The following MED4 variants were observed in gnomAD, a reference collection of about 807,000 sequenced individuals.
MED4 encodes the protein mediator complex subunit 4.
A neutral mutation model predicts 35.0 loss-of-function variants in MED4; 21 were observed. That is an observed-to-expected ratio of 0.60 (90% CI 0.43 to 0.86). MED4 has a LOEUF of 0.86. Among genes scored for constraint, MED4 ranks in the 40% least tolerant of loss-of-function variants. MED4 has a pLI of 0.00. For missense variants in MED4, 300 were observed against 319.4 expected, an observed-to-expected ratio of 0.94 and a Z score of 0.46; for synonymous variants, 138 against 114.0, an observed-to-expected ratio of 1.21 and a Z score of -1.34.
rs1485970368 is a variant in MED4 at position 48,077,309 on chromosome 13, C to A, written c.643G>T (p.Val215Phe). Residue 215 changes from valine (V) to phenylalanine (F), a missense_variant and splice_region_variant, in exon 7 of 7, where the codon GTC becomes TTC. By Grantham distance (50) the Val-to-Phe change is conservative (BLOSUM62 -1). Transcript: ENST00000258648. ...DALAAGRLPD[V>F]LAPQYPWQSN... ...TGCCATGGATACTGTGGAGCAAGGA[C>A]ATCTGGAGAAAAAAAGAAGCATAGA... is the stretch of plus-strand genomic sequence containing the variant. 6.8e-7 allele frequency: 1 copy of A among 1,466,636 alleles called. No individual in the cohort carries two copies. The highest frequency in any genetic ancestry group is 2.6e-5 in the Admixed American group (1 of 38,134). The allele number at this position is 1,466,636 out of a possible 1,614,324, so 90.9% of individuals were successfully genotyped here.
At chr13:48,080,048 T>G in intron 5 of MED4, 73 bp from the exon 6 acceptor site, 4 of 1,504,152 alleles carry the variant, frequency 2.7e-6, no homozygotes, top group Non-Finnish European at 3.6e-6. Context: ...TTTGACATAC[T>G]CATTTTCGCT....
intron 1 of MED4, 48 bp downstream of exon 1, chr13:48,094,906 C>G (rs1333699349): frequency 1.3e-6 from 2 of 1,589,460 alleles, no homozygotes; most frequent in South Asian, 2.2e-5. Context: ...GCTCCGGGGT[C>G]AGTCCCCCGG....
intron 2 of MED4, 29 bp from the exon 3 acceptor site, chr13:48,086,481 C>A (rs1276389627): frequency 6.3e-7 from 1 of 1,595,272 alleles, no homozygotes; most frequent in South Asian, 1.1e-5. Context: ...TTAAATCAGA[C>A]AATAGACTAC....
chr13:48,086,244 T>C (rs41287449), intron 3 of MED4, 38 bp downstream of exon 3: 184,473 of 1,581,850 alleles, frequency 0.12, 11,750 homozygotes, highest in South Asian at 0.18. Flanking sequence ...TTAAACAACA[T>C]CCTTTTTAAC....
intron 3 of MED4, 87 bp from the exon 4 acceptor site, chr13:48,083,515 C>A: frequency 1.0e-6 from 1 of 976,640 alleles, no homozygotes; most frequent in Non-Finnish European, 1.5e-6. Flanking sequence ...ATCCTTTAGC[C>A]TACAAGAACA....
intron 3 of MED4, among the ~76,000 whole-genome samples, chr13:48,085,862 A>C (rs1337380620): frequency 1.3e-5 from 2 of 152,128 alleles, no homozygotes; most frequent in Non-Finnish European, 2.9e-5. Context: ...TAATCAATTT[A>C]TAAAATGTGT....
At chr13:48,091,312 T>C (rs1950888349) in intron 1 of MED4, among the ~76,000 whole-genome samples, 1 of 152,116 alleles carries the variant, frequency 6.6e-6, no homozygotes, top group African/African-American at 2.4e-5. Flanking sequence ...TTGGGAAAAA[T>C]GTATAGCAGG....
At chr13:48,094,787 A>C (rs1950915998) in intron 1 of MED4, among the ~76,000 whole-genome samples, 167 bp downstream of exon 1, 1 of 152,066 alleles carries the variant, frequency 6.6e-6, no homozygotes, top group Admixed American at 6.6e-5. Context: ...CGCCGCCCAG[A>C]GTGCCAGAGG....
intron 5 of MED4, among the ~76,000 whole-genome samples, chr13:48,080,817 T>G (rs1950803021): frequency 6.6e-6 from 1 of 152,166 alleles, no homozygotes; most frequent in South Asian, 2.1e-4. Flanking sequence ...AGATAAAACC[T>G]TTTTCTAACC....
At chr13:48,082,693 G>A (rs899856345) in intron 4 of MED4, among the ~76,000 whole-genome samples, 2 of 152,182 alleles carry the variant, frequency 1.3e-5, no homozygotes, top group Non-Finnish European at 2.9e-5. Flanking sequence ...CGGGTGTGGT[G>A]GCGGGCGCCT....
chr13:48,077,287 C>A lies in MED4; in HGVS notation c.665G>T (p.Trp222Leu). 1 of 1,544,532 alleles carries A rather than the reference C, an allele frequency of 6.5e-7. No homozygotes were observed. The highest frequency in any genetic ancestry group is 1.3e-5 in the South Asian group (1 of 79,780). ...LPDVLAPQYP[W>L]QSNDMSMNML... is the part of the protein sequence containing the mutation. The stretch of plus-strand genomic sequence containing the variant: ...ATTCATCGACATGTCATTTGACTGC[C>A]ATGGATACTGTGGAGCAAGGACATC... The change falls in exon 7 of 7, where the codon TGG (tryptophan) becomes TTG (leucine). Residue 222 changes from tryptophan (W) to leucine (L), a missense_variant. Physicochemically the swap from Trp to Leu is moderately conservative, Grantham distance 61. Coordinates refer to ENST00000258648, the MANE Select transcript of MED4 (RefSeq NM_014166.4).
chr13:48,090,314 CAA>C (rs771715018), intron 2 of MED4, 36 bp downstream of exon 2: 3 of 1,454,730 alleles, frequency 2.1e-6, no homozygotes, highest in Non-Finnish European at 2.8e-6. Flanking sequence ...AATTAAAAAA[CAA>C]AGAGAAATTA....
At chr13:48,082,156 T>C (rs1056007674) in intron 4 of MED4, among the ~76,000 whole-genome samples, 2 of 151,820 alleles carry the variant, frequency 1.3e-5, no homozygotes, top group Non-Finnish European at 2.9e-5. Context: ...TAGACCTAAA[T>C]AGAAAGATGT....
chr13:48,078,878 T>C (rs951079788), intron 6 of MED4, among the ~76,000 whole-genome samples: 2 of 152,202 alleles, frequency 1.3e-5, no homozygotes, highest in Admixed American at 6.5e-5. Flanking sequence ...GACAGCCTTA[T>C]GATGTAACAT....
At chr13:48,087,852 GA>G (rs560773734) in intron 2 of MED4, among the ~76,000 whole-genome samples, 153 of 136,916 alleles carry the variant, frequency 1.1e-3, no homozygotes, top group South Asian at 1.4e-3. Context: ...TTCGTCTCAG[GA>G]AAAAAAAAAA....
chr13:48,076,328 A>G lies in MED4; in HGVS notation c.*811T>C, dbSNP rs1245660372. 8 of 152,182 alleles carry G rather than the reference A, an allele frequency of 5.3e-5. No individual in the cohort carries two copies. Among genetic ancestry groups the G allele is most frequent in the Admixed American group, 5.2e-4 (8 of 15,278 alleles). 9.4% of individuals were successfully genotyped at this position (152,182 alleles called of 1,614,324 possible). A position where few individuals can be genotyped will look rare whatever the true frequency, so the allele number is the denominator to read the frequency against. On this transcript the variant is annotated 3_prime_UTR_variant, in exon 7 of 7. Coordinates refer to ENST00000258648, the MANE Select transcript of MED4 (RefSeq NM_014166.4). ...GGGGAACTGTAAGAAGAGGAAGGTG[A>G]AGGGAAGAAATGGTTGCTTTCCATT...
rs370204341 is a variant in MED4 at position 48,090,396 on chromosome 13, T to C, written c.148A>G (p.Ile50Val). Residue 50 changes from isoleucine (I) to valine (V), a missense_variant, in exon 2 of 7, where the codon ATT becomes GTT. By Grantham distance (29) the Ile-to-Val change is conservative. Transcript: ENST00000258648. Reference sequence around the variant, plus strand: ...TGTAACAACTTTTGGTTTCTTGAAATTGCCAGCATTTCTATAAGTTCCCTA... The same window carrying C: ...TGTAACAACTTTTGGTTTCTTGAAACTGCCAGCATTTCTATAAGTTCCCTA... Reference protein sequence around the residue: ...LSRELIEMLAISRNQKLLQAG... With the variant: ...LSRELIEMLAVSRNQKLLQAG... The C allele has an allele frequency of 1.3e-5, 21 of 1,597,544 alleles. No homozygotes were observed. Among genetic ancestry groups the C allele is most frequent in the Non-Finnish European group, 1.8e-5 (21 of 1,174,360 alleles).
At chr13:48,083,517 A>G in intron 3 of MED4, 89 bp from the exon 4 acceptor site, 3 of 959,744 alleles carry the variant, frequency 3.1e-6, no homozygotes, top group Non-Finnish European at 4.7e-6. Context: ...CCTTTAGCCT[A>G]CAAGAACAAT....
chr13:48,090,224 C>A, intron 2 of MED4, 128 bp downstream of exon 2: 2 of 709,846 alleles, frequency 2.8e-6, no homozygotes, highest in Non-Finnish European at 4.6e-6. Flanking sequence ...TAATTAATAA[C>A]TTAAAAGGAT....
Sources: allele counts gnomAD v4.1 joint callset (sites outside exome capture counted in the v4.1 genomes callset), GRCh38; gene constraint gnomAD v4.1.1; transcripts MANE v1.5; gene names NCBI Gene and HGNC (gene_info 2026-07-23, HGNC 2026-07-21).